LRCH2: variants seen among roughly 807,000 people sequenced by gnomAD.
LRCH2 encodes the protein leucine-rich repeat and calponin homology domain-containing protein 2.
Under a neutral mutation model 68.9 loss-of-function variants are expected in LRCH2, and 38 were observed. That is an observed-to-expected ratio of 0.55 (90% CI 0.43 to 0.72). The LOEUF (loss-of-function observed/expected upper bound fraction) is 0.72. Among genes scored for constraint, LRCH2 ranks in the 30% least tolerant of loss-of-function variants. The probability of loss-of-function intolerance (pLI) is 0.00; values close to 1 mark genes in which losing one functional copy is unlikely to be tolerated. For missense variants in LRCH2, 528 were observed against 572.9 expected, an observed-to-expected ratio of 0.92 and a Z score of 0.80; for synonymous variants, 191 against 208.1, an observed-to-expected ratio of 0.92 and a Z score of 0.71.
At chrX:115,189,338 C>A (rs985873689) in intron 1 of LRCH2, 19 of 896,165 alleles carry the variant, frequency 2.1e-5, no homozygotes, top group Non-Finnish European at 2.7e-5. Flanking sequence ...CATCCACCCC[C>A]CCAACCGGTA....
At chrX:115,194,538 T>C (rs2072873208) in intron 1 of LRCH2, among the ~76,000 whole-genome samples, 1 of 112,470 alleles carries the variant, frequency 8.9e-6, no homozygotes, top group Admixed American at 9.4e-5. Flanking sequence ...ATGCCCAGTT[T>C]GTTATTCTGT....
chrX:115,190,716 G>A (rs1556557997), intron 1 of LRCH2: 1 of 1,095,389 alleles, frequency 9.1e-7, no homozygotes, highest in East Asian at 3.7e-5. Flanking sequence ...GCTATGAGGA[G>A]TACCGAGGCC....
At chrX:115,231,323 A>G (rs1199494242) in intron 1 of LRCH2, among the ~76,000 whole-genome samples, 6 of 111,574 alleles carry the variant, frequency 5.4e-5, no homozygotes, top group Non-Finnish European at 9.4e-5. Flanking sequence ...ATGTGTGTGT[A>G]TGTATGTACA....
intron 14 of LRCH2, among the ~76,000 whole-genome samples, chrX:115,141,151 T>A (rs1440573692): frequency 9.6e-6 from 1 of 103,691 alleles, no homozygotes; most frequent in African/African-American, 3.6e-5. Flanking sequence ...GGCGGGAGAA[T>A]GGCGTGAACC....
intron 20 of LRCH2, among the ~76,000 whole-genome samples, chrX:115,118,256 T>C (rs898190210): frequency 8.3e-5 from 9 of 108,487 alleles, no homozygotes; most frequent in African/African-American, 3.0e-4. Context: ...ATCAACAAAA[T>C]TGATAAACCG....
In LRCH2 at chrX:115,174,017, G is replaced by A. The variant is rs782279545; in HGVS notation, c.865-3585C>T. On this transcript the variant is annotated intron_variant, in intron 5 of 20. Coordinates refer to ENST00000317135, the MANE Select transcript of LRCH2 (RefSeq NM_020871.4). ...TAGTCAACTGTTTGTTATTGATAAG[G>A]CTTCCAGTCAACAGTAGGCTATTAG... is the stretch of plus-strand genomic sequence containing the variant. 6.3e-5 allele frequency among the ~76,000 whole-genome samples: 7 copies of A among 111,964 alleles called. No homozygotes were observed. In the East Asian group the frequency reaches 2.0e-3, roughly 32 times the overall value.
chrX:115,227,395 A>C (rs1556576719), intron 1 of LRCH2, among the ~76,000 whole-genome samples: 1 of 110,209 alleles, frequency 9.1e-6, no homozygotes, highest in East Asian at 2.8e-4. Context: ...TCTAGGATAT[A>C]ATAGGTATAT....
chrX:115,139,237 G>A (rs2843484), intron 14 of LRCH2: 12 of 110,301 alleles, frequency 1.1e-4, no homozygotes, highest in African/African-American at 3.6e-4. Flanking sequence ...CATATAAAAC[G>A]AACAATGATC....
At chrX:115,214,997 C>T (rs782047818) in intron 1 of LRCH2, among the ~76,000 whole-genome samples, 319 of 112,374 alleles carry the variant, frequency 2.8e-3, no homozygotes, top group African/African-American at 9.8e-3. Context: ...TGGCACTATA[C>T]TTCAACCATT....
At position 115,123,124 on chromosome X, in the gene LRCH2, C is replaced by G; in HGVS notation, c.1918G>C (p.Glu640Gln). ...DPGFTMRRKM[E>Q]HLREEREQIR... ...TGCTCTCGCTCTTCCCGTAAATGTT[C>G]CATCTTTCTTCTCATTGTAAATCCT... Residue 640 changes from glutamate (E) to glutamine (Q), a missense_variant, in exon 18 of 21, where the codon GAA (glutamate) becomes CAA (glutamine). Transcript: ENST00000317135. 8.3e-7 allele frequency: 1 copy of G among 1,210,293 alleles called. No homozygotes were observed. Among genetic ancestry groups the G allele is most frequent in the Non-Finnish European group, 1.1e-6 (1 of 894,857 alleles).
At chrX:115,230,525 C>G (rs1417091643) in intron 1 of LRCH2, among the ~76,000 whole-genome samples, 1 of 111,166 alleles carries the variant, frequency 9.0e-6, no homozygotes, top group Non-Finnish European at 1.9e-5. Context: ...AAGTGAAGAA[C>G]AGACACTAGA....
chrX:115,152,895 G>A (rs2072443619), intron 12 of LRCH2, among the ~76,000 whole-genome samples: 1 of 111,079 alleles, frequency 9.0e-6, no homozygotes, highest in Admixed American at 9.6e-5. Context: ...GTAAAACAAA[G>A]ATAAGAATAT....
At chrX:115,140,204 G>A (rs2843485) in intron 14 of LRCH2, among the ~76,000 whole-genome samples, 1 of 111,056 alleles carries the variant, frequency 9.0e-6, no homozygotes, top group African/African-American at 3.3e-5. Flanking sequence ...AGAGTTGTGA[G>A]ACCCCCATTC....
chrX:115,154,657 T>C (rs2072458972), intron 12 of LRCH2, among the ~76,000 whole-genome samples: 1 of 111,538 alleles, frequency 9.0e-6, no homozygotes. Context: ...AAATAAAACA[T>C]TTTGATATAA....
At chrX:115,154,098 G>T (rs1556538949) in intron 12 of LRCH2, among the ~76,000 whole-genome samples, 1 of 111,296 alleles carries the variant, frequency 9.0e-6, no homozygotes, top group Non-Finnish European at 1.9e-5. Flanking sequence ...AAGAGAGCTG[G>T]ACTGACAATA....
chrX:115,163,761 C>A lies in LRCH2; in HGVS notation c.1378G>T (p.Ala460Ser). 8.4e-7 allele frequency: 1 copy of A among 1,194,542 alleles called. No homozygotes were observed. Among genetic ancestry groups the A allele is most frequent in the East Asian group, 3.0e-5 (1 of 33,511 alleles). ...TTCAAATCATCATCCTCTTCCTCTGCCAGTAACTGTTCTTTCTCAAGTCTG... is the reference window on the plus strand; with the variant it reads ...TTCAAATCATCATCCTCTTCCTCTGACAGTAACTGTTCTTTCTCAAGTCTG... ...EKRLEKEQLL[A>S]EEEDDDLKEV... is the part of the protein sequence containing the mutation. Residue 460 changes from alanine (A) to serine (S), a missense_variant, in exon 11 of 21, where the codon GCA becomes TCA. Physicochemically the swap from Ala to Ser is moderately conservative, Grantham distance 99. Transcript: ENST00000317135.
At chrX:115,150,759 CAT>C (rs1438489264) in intron 12 of LRCH2, among the ~76,000 whole-genome samples, 6 of 110,339 alleles carry the variant, frequency 5.4e-5, no homozygotes, top group Non-Finnish European at 9.5e-5. Context: ...TTATAGAACA[CAT>C]GATTATCCAA....
intron 17 of LRCH2, among the ~76,000 whole-genome samples, chrX:115,123,542 A>C (rs1225452598): frequency 3.6e-5 from 4 of 112,304 alleles, no homozygotes; most frequent in African/African-American, 1.3e-4. Context: ...CAGGAATAAA[A>C]ACTATAGTTC....
Position 115,113,026 on chromosome X carries a change from C to T in LRCH2, c.*190G>A, listed in dbSNP as rs1355468214. On this transcript the variant is annotated 3_prime_UTR_variant, in exon 21 of 21. Transcript: ENST00000317135. ...TATCAAATACTCTTATTAAGTTAAT[C>T]CAGTTTTCCCCCAAAGAAGTTCGGG... 1 of 298,036 alleles carries T rather than the reference C, an allele frequency of 3.4e-6. No individual in the cohort carries two copies. The highest frequency in any genetic ancestry group is 5.9e-6 in the Non-Finnish European group (1 of 168,787). The allele number at this position is 298,036 out of a possible 1,213,427, so 24.6% of individuals were successfully genotyped here. A position where few individuals can be genotyped will look rare whatever the true frequency, so the allele number is the denominator to read the frequency against.
Sources: gnomAD v4.1 joint callset for allele counts (sites outside exome capture counted in the v4.1 genomes callset) on GRCh38, gnomAD v4.1.1 for gene constraint, MANE v1.5 for transcripts, NCBI Gene and HGNC (gene_info 2026-07-23, HGNC 2026-07-21) for gene names.